The following PLCH1 variants were observed in gnomAD, a reference collection of about 807,000 sequenced individuals.
The protein encoded by PLCH1 is phospholipase C eta 1.
In PLCH1, 60 loss-of-function variants were observed where a neutral mutation model predicts 126.7. The ratio of observed to expected loss-of-function variants is 0.47; its 90% CI spans 0.38 to 0.59. PLCH1 has a LOEUF of 0.59. Ranked by LOEUF, PLCH1 falls within the 20% of genes least tolerant of loss-of-function variation. The pLI is 0.00. For missense variants in PLCH1, 1,723 were observed against 2,040.0 expected, an observed-to-expected ratio of 0.84 and a Z score of 2.99; for synonymous variants, 719 against 734.9, an observed-to-expected ratio of 0.98 and a Z score of 0.35.
chr3:155,458,385 AGAAGGAAGGAAGGAAGGAAGGAAGGAAG>A (rs781003032), intron 21 of PLCH1, among the ~76,000 whole-genome samples: 15 of 38,862 alleles, frequency 3.9e-4, no homozygotes, highest in South Asian at 2.2e-3. Context: ...AAAGAAAGAA[AGAAGGAAGGAAGGAAGGAAGGAAGGAAG>A]GAAGGAAGGA....
At chr3:155,530,070 A>C (rs1310887886) in intron 10 of PLCH1, among the ~76,000 whole-genome samples, 1 of 151,996 alleles carries the variant, frequency 6.6e-6, no homozygotes, top group Non-Finnish European at 1.5e-5. Context: ...CTTAAATAGG[A>C]CAAAAACTAA....
chr3:155,548,233 A>G (rs1725645851), intron 10 of PLCH1, among the ~76,000 whole-genome samples: 1 of 152,190 alleles, frequency 6.6e-6, no homozygotes, highest in Non-Finnish European at 1.5e-5. Flanking sequence ...GATTGCTCTG[A>G]TAGTAAAGGA....
intron 6 of PLCH1, among the ~76,000 whole-genome samples, chr3:155,572,379 G>A (rs1350861771): frequency 3.3e-5 from 5 of 152,162 alleles, no homozygotes; most frequent in Non-Finnish European, 7.3e-5. Context: ...GAAATCTGAT[G>A]CCATTCTGAT....
At chr3:155,524,062 G>T (rs1268043154) in intron 10 of PLCH1, 58 bp from the exon 11 acceptor site, 60 of 1,012,714 alleles carry the variant, frequency 5.9e-5, no homozygotes, top group Non-Finnish European at 8.4e-5. Context: ...ATAGCCAAAA[G>T]GTGGAAGTAA....
intron 7 of PLCH1, 59 bp downstream of exon 7, chr3:155,568,172 G>T: frequency 1.3e-6 from 1 of 769,554 alleles, no homozygotes; most frequent in Non-Finnish European, 2.2e-6. Flanking sequence ...ACTTTTGCTG[G>T]AATTTAACTT....
chr3:155,500,891 C>T (rs930892744), intron 13 of PLCH1, 97 bp from the exon 14 acceptor site: 15 of 779,616 alleles, frequency 1.9e-5, no homozygotes, highest in Non-Finnish European at 3.1e-5. Flanking sequence ...CACATGTGCA[C>T]AAACATAACT....
chr3:155,568,824 A>G (rs1383474172), intron 6 of PLCH1, among the ~76,000 whole-genome samples: 1 of 151,384 alleles, frequency 6.6e-6, no homozygotes, highest in South Asian at 2.1e-4. Context: ...GCAGTCTGCC[A>G]TGGTAATACA....
chr3:155,740,390 G>C (rs1370346054), intron 1 of PLCH1, among the ~76,000 whole-genome samples: 1 of 136,834 alleles, frequency 7.3e-6, no homozygotes, highest in Non-Finnish European at 1.5e-5. Flanking sequence ...CTGGGTGATA[G>C]AGAGAGACTC....
chr3:155,530,383 T>TG (rs1459605544), intron 10 of PLCH1, among the ~76,000 whole-genome samples: 2 of 151,310 alleles, frequency 1.3e-5, no homozygotes, highest in Non-Finnish European at 1.5e-5. Flanking sequence ...TGGAGTGCAG[T>TG]GGTGCGATCT....
intron 2 of PLCH1, among the ~76,000 whole-genome samples, chr3:155,613,525 C>G (rs1357069175): frequency 6.6e-6 from 1 of 152,056 alleles, no homozygotes. Context: ...TATGTTACAC[C>G]ACATGAACAG....
rs1389509946 is a variant in PLCH1, at chr3:155,479,974, C to A, written c.*994G>T. On this transcript the variant is annotated 3_prime_UTR_variant, in exon 23 of 23. Transcript: ENST00000460012. Reference sequence around the variant, plus strand: ...AAAAAAAAAAAACAAAGAGGGACATCTGAACATGCAATAAAAAAGTGAATT... The same window carrying A: ...AAAAAAAAAAAACAAAGAGGGACATATGAACATGCAATAAAAAAGTGAATT... 1 of 151,782 alleles carries A rather than the reference C, an allele frequency of 6.6e-6. No individual in the cohort carries two copies. The highest frequency in any genetic ancestry group is 1.5e-5 in the Non-Finnish European group (1 of 67,878). 9.4% of individuals were successfully genotyped at this position (151,782 alleles called of 1,614,324 possible). A position where few individuals can be genotyped will look rare whatever the true frequency, so the allele number is the denominator to read the frequency against.
chr3:155,723,317 G>T (rs1441667021), intron 1 of PLCH1, among the ~76,000 whole-genome samples: 1 of 151,956 alleles, frequency 6.6e-6, no homozygotes, highest in Non-Finnish European at 1.5e-5. Flanking sequence ...TCTTTTATTG[G>T]TTAATCTCAC....
At chr3:155,713,241 A>G (rs1280055722) in intron 1 of PLCH1, among the ~76,000 whole-genome samples, 1 of 152,000 alleles carries the variant, frequency 6.6e-6, no homozygotes, top group Non-Finnish European at 1.5e-5. Context: ...ATTCACCCCA[A>G]CTCTACTATG....
In PLCH1 at chr3:155,485,629, G is replaced by A. The variant is rs748307014; in HGVS notation, c.2701C>T (p.Arg901Trp). 3 of 1,611,994 alleles carry A rather than the reference G, an allele frequency of 1.9e-6. No homozygotes were observed. The highest frequency in any genetic ancestry group is 2.2e-5 in the East Asian group (1 of 44,882). The change falls in exon 22 of 23, where the codon CGG becomes TGG. Residue 901 changes from arginine (R) to tryptophan (W), a missense_variant. Physicochemically the swap from Arg to Trp is moderately radical, Grantham distance 101. This residue lies in a region of PLCH1 where 947 missense variants were observed against 977.1 expected (regional missense o/e 0.97). Transcript: ENST00000460012. ...ATTCTATCTCCAATGGATCGCTTCC[G>A]TACATAATGGGAATTGTTTTCTGAA... ...SSSENNSHYVRKRSIGDRILR... is the reference protein window; with the variant it reads ...SSSENNSHYVWKRSIGDRILR...
At chr3:155,546,588 C>G (rs190021143) in intron 10 of PLCH1, among the ~76,000 whole-genome samples, 3 of 152,182 alleles carry the variant, frequency 2.0e-5, no homozygotes, top group African/African-American at 4.8e-5. Context: ...CAAGTCAATC[C>G]TAAGCCAAAA....
chr3:155,590,434 C>A (rs906330875), intron 4 of PLCH1, among the ~76,000 whole-genome samples: 1 of 151,982 alleles, frequency 6.6e-6, no homozygotes, highest in Non-Finnish European at 1.5e-5. Flanking sequence ...AAAAATTAGC[C>A]GGGCGTGGTG....
At chr3:155,472,375 C>A (rs1377597372) in intron 21 of PLCH1, among the ~76,000 whole-genome samples, 1 of 152,088 alleles carries the variant, frequency 6.6e-6, no homozygotes, top group Admixed American at 6.5e-5. Context: ...AAGACTAAAC[C>A]AGGAAGAAGT....
intron 2 of PLCH1, among the ~76,000 whole-genome samples, chr3:155,651,850 T>C (rs530382762): frequency 6.6e-6 from 1 of 152,328 alleles, no homozygotes; most frequent in Admixed American, 6.5e-5. Flanking sequence ...AAATCAGTCC[T>C]CAGAGACAGT....
intron 21 of PLCH1, among the ~76,000 whole-genome samples, chr3:155,467,655 T>C (rs1712982785): frequency 6.6e-6 from 1 of 152,118 alleles, no homozygotes; most frequent in Admixed American, 6.5e-5. Context: ...CTGCAGACTT[T>C]TCAGTGGAAA....
Sources: gnomAD v4.1 joint callset for allele counts (sites outside exome capture counted in the v4.1 genomes callset) on GRCh38, gnomAD v4.1.1 for gene constraint, gnomAD v4.1.1 regional missense constraint, MANE v1.5 for transcripts, NCBI Gene and HGNC (gene_info 2026-07-23, HGNC 2026-07-21) for gene names.